IKBKE: variants seen among roughly 807,000 people sequenced by gnomAD.
The protein encoded by IKBKE is inhibitor of nuclear factor kappa-B kinase subunit epsilon.
A neutral mutation model predicts 92.1 loss-of-function variants in IKBKE; 45 were observed. The ratio of observed to expected loss-of-function variants is 0.49; its 90% confidence interval spans 0.38 to 0.63. The LOEUF (loss-of-function observed/expected upper bound fraction) is 0.63, where lower values mean the gene tolerates loss of function less well. Ranked by LOEUF, IKBKE falls within the 20% of genes least tolerant of loss-of-function variation. The pLI is 0.00. For synonymous variants in IKBKE, 374 were observed against 380.3 expected (o/e 0.98, Z 0.19); for missense variants, 700 against 932.8 (o/e 0.75, Z 3.25).
intron 4 of IKBKE, among the ~76,000 whole-genome samples, 168 bp downstream of exon 4, chr1:206,474,639 C>T (rs1664959697): frequency 6.6e-6 from 1 of 152,064 alleles, no homozygotes; most frequent in Non-Finnish European, 1.5e-5. Flanking sequence ...GGGCGGTGCA[C>T]TGGAAAGGAA....
Position 206,479,100 on chromosome 1 carries a change from A to G in IKBKE, c.1150A>G (p.Thr384Ala), listed in dbSNP as rs782501971. The G allele has an allele frequency of 5.0e-6, 8 of 1,611,802 alleles. No homozygotes were observed. Among genetic ancestry groups the G allele is most frequent in the Non-Finnish European group, 6.8e-6 (8 of 1,179,242 alleles). ...TASSPLTLFSTAIPKGLAFRD... is the reference protein window; with the variant it reads ...TASSPLTLFSAAIPKGLAFRD... ...AAGCAGCCCCCTGACCCTCTTCAGC[A>G]CAGCCATCCCTAAGGGGCTGGCCTT... Residue 384 changes from threonine (T) to alanine (A), a missense_variant, in exon 10 of 22, where the codon ACA becomes GCA. Thr to Ala is a moderately conservative substitution (Grantham distance 58, BLOSUM62 0). Coordinates refer to ENST00000581977, the MANE Select transcript of IKBKE (RefSeq NM_014002.4).
intron 2 of IKBKE, chr1:206,472,867 G>A (rs1445494257): frequency 3.2e-6 from 1 of 312,712 alleles, no homozygotes; most frequent in African/African-American, 2.3e-5. Flanking sequence ...GCTGGGGAGA[G>A]GTGGTAGAGA....
chr1:206,484,095 TTTGTATTGTATTGTATTGTA>T (rs56098571), intron 13 of IKBKE, among the ~76,000 whole-genome samples: 7,352 of 122,078 alleles, frequency 0.06, 272 homozygotes, highest in Non-Finnish European at 0.074. Context: ...TGGCTTTTAT[TTTGTATTGTATTGTATTGTA>T]TTGTATTGTA....
At chr1:206,489,269 T>C (rs1665811717) in intron 16 of IKBKE, among the ~76,000 whole-genome samples, 1 of 147,790 alleles carries the variant, frequency 6.8e-6, no homozygotes, top group Admixed American at 6.8e-5. Context: ...ATATTATTCA[T>C]ATATATATTA....
intron 2 of IKBKE, among the ~76,000 whole-genome samples, chr1:206,471,506 G>A (rs140661017): frequency 1.3e-5 from 2 of 152,328 alleles, no homozygotes; most frequent in East Asian, 3.9e-4. Context: ...TCTGCGCTTT[G>A]CACCTCACTG....
chr1:206,492,583 A>G lies in IKBKE; in HGVS notation c.1836-440A>G, dbSNP rs41299860. ...GCTGACCTCCAACCCCTGATTTAAC[A>G]GCTCTGGGCCTTGGGGAAAATGTTC... On this transcript the variant is annotated intron_variant, in intron 18 of 21. Coordinates refer to ENST00000581977, the MANE Select transcript of IKBKE (RefSeq NM_014002.4). 4,045 of 472,422 alleles carry G rather than the reference A, an allele frequency of 8.6e-3. 148 individuals are homozygous for G. The highest frequency in any genetic ancestry group is 0.074 in the African/African-American group (3,701 of 50,248). The allele number at this position is 472,422 out of a possible 1,614,324, so 29.3% of individuals were successfully genotyped here. A position where few individuals can be genotyped will look rare whatever the true frequency, so the allele number is the denominator to read the frequency against.
Position 206,478,562 on chromosome 1 carries a change from A to G in IKBKE, c.992+223A>G, listed in dbSNP as rs1665198439. ...AGTACCTTTTCTAATGCTAATATGC[A>G]TTATACATCTGAGAAGTGTGTGCGT... On this transcript the variant is annotated intron_variant, in intron 9 of 21. Transcript: ENST00000581977. This position sits in a 1 kb window ranked among gnomAD's most constrained non-coding sequence, Gnocchi z 4.8. 1.3e-5 allele frequency among the ~76,000 whole-genome samples: 2 copies of G among 152,212 alleles called. No individual in the cohort carries two copies. The highest frequency in any genetic ancestry group is 4.8e-5 in the African/African-American group (2 of 41,454).
rs376593753 is a variant in IKBKE at position 206,494,685 on chromosome 1, C to G, written c.2117+694C>G. Among the ~76,000 whole-genome samples the G allele has an allele frequency of 8.3e-4, 115 of 138,768 alleles. 2 individuals carry two copies. The highest frequency in any genetic ancestry group is 2.7e-3 in the African/African-American group (103 of 37,622). 91.0% of individuals were successfully genotyped at this position (138,768 alleles called of 152,430 possible). A position where few individuals can be genotyped will look rare whatever the true frequency, so the allele number is the denominator to read the frequency against. On this transcript the variant is annotated intron_variant, in intron 21 of 21. Coordinates refer to ENST00000581977, the MANE Select transcript of IKBKE (RefSeq NM_014002.4). ...GTGGTACTGTGTCGGCTCACTGCAA[C>G]CTCCATCTCCTGGGTTCAAGCAATT...
In IKBKE at chr1:206,480,124, A is replaced by G. The variant is rs1553386625; in HGVS notation, c.1340+11A>G. On this transcript the variant is annotated intron_variant, in intron 12 of 21. Coordinates refer to ENST00000581977, the MANE Select transcript of IKBKE (RefSeq NM_014002.4). ...GCTGCACTGGGTCATGTGAGTAATCATGAGGGCTGGGCACAGAGGGGGAGG... is the reference window on the plus strand; with the variant it reads ...GCTGCACTGGGTCATGTGAGTAATCGTGAGGGCTGGGCACAGAGGGGGAGG... The G allele has an allele frequency of 2.7e-6, 4 of 1,494,756 alleles. No homozygotes were observed. Among genetic ancestry groups the G allele is most frequent in the Admixed American group, 4.5e-5 (2 of 44,856 alleles). The allele number at this position is 1,494,756 out of a possible 1,614,324, so 92.6% of individuals were successfully genotyped here.
At chr1:206,493,233 C>T (rs782100205) in intron 19 of IKBKE, 33 bp from the exon 20 acceptor site, 2 of 1,590,336 alleles carry the variant, frequency 1.3e-6, no homozygotes, top group Admixed American at 1.7e-5. Flanking sequence ...AAGCTGGCTA[C>T]TAATTGCTGA....
chr1:206,486,765 C>T (rs1665686468), intron 15 of IKBKE, among the ~76,000 whole-genome samples: 1 of 151,426 alleles, frequency 6.6e-6, no homozygotes, highest in Non-Finnish European at 1.5e-5. Context: ...GGATCCCAGG[C>T]CCTGTCTTTT....
intron 7 of IKBKE, among the ~76,000 whole-genome samples, chr1:206,477,363 C>T (rs1343330822): frequency 6.6e-6 from 1 of 152,112 alleles, no homozygotes; most frequent in Non-Finnish European, 1.5e-5. Context: ...CTATATCAGG[C>T]CCGCAAAAGG....
At chr1:206,472,310 C>T (rs1553384009) in intron 2 of IKBKE, among the ~76,000 whole-genome samples, 1 of 152,036 alleles carries the variant, frequency 6.6e-6, no homozygotes, top group African/African-American at 2.4e-5. Flanking sequence ...CCTTCTAATG[C>T]TTCTGTCCCC....
intron 10 of IKBKE, among the ~76,000 whole-genome samples, chr1:206,479,397 A>G (rs1553386391): frequency 6.6e-6 from 1 of 152,134 alleles, no homozygotes; most frequent in African/African-American, 2.4e-5. Flanking sequence ...TCTGGATTTA[A>G]TGCACTTTCC....
chr1:206,473,955 C>T (rs1304725093), intron 3 of IKBKE, among the ~76,000 whole-genome samples: 12 of 108,182 alleles, frequency 1.1e-4, no homozygotes, highest in Admixed American at 4.4e-4. Context: ...AGCGAGGCTC[C>T]GTCTCAAAAA....
chr1:206,494,138 C>T (rs976827496), intron 21 of IKBKE, 147 bp downstream of exon 21: 5 of 651,838 alleles, frequency 7.7e-6, no homozygotes, highest in African/African-American at 1.8e-5. Context: ...TAGGCATTTT[C>T]CACAAATGAG....
At chr1:206,480,861 A>G (rs1665344169) in intron 13 of IKBKE, among the ~76,000 whole-genome samples, 1 of 152,170 alleles carries the variant, frequency 6.6e-6, no homozygotes. Flanking sequence ...TGCTCACCCT[A>G]TGCCAAGTGC....
At chr1:206,483,943 GTATTT>G (rs1300156872) in intron 13 of IKBKE, among the ~76,000 whole-genome samples, 2 of 151,720 alleles carry the variant, frequency 1.3e-5, no homozygotes, top group Admixed American at 6.6e-5. Context: ...TTTTTTTTTA[GTATTT>G]TATTTTATTT....
intron 21 of IKBKE, among the ~76,000 whole-genome samples, chr1:206,494,433 C>T (rs1666113746): frequency 6.6e-6 from 1 of 152,088 alleles, no homozygotes; most frequent in Non-Finnish European, 1.5e-5. Context: ...GGGCTCCCGT[C>T]CCTCCTGCCA....
Sources: gnomAD v4.1 joint callset for allele counts (sites outside exome capture counted in the v4.1 genomes callset) on GRCh38, gnomAD v4.1.1 for gene constraint, Gnocchi (gnomAD v3.1) non-coding constraint, MANE v1.5 for transcripts, NCBI Gene and HGNC (gene_info 2026-07-23, HGNC 2026-07-21) for gene names.